Variants in IFT80 observed in about 807,000 individuals in gnomAD.
The protein encoded by IFT80 is intraflagellar transport 80, also known as intraflagellar transport protein 80 homolog.
IFT80 carries 79 observed loss-of-function variants against 107.9 expected under a neutral mutation model. The observed-to-expected ratio is 0.73, with a 90% CI of 0.61 to 0.88. IFT80 has a LOEUF of 0.88. Ranked by LOEUF, IFT80 falls within the 40% of genes least tolerant of loss-of-function variation. The probability of loss-of-function intolerance (pLI) is 0.00; values close to 1 mark genes in which losing one functional copy is unlikely to be tolerated. For synonymous variants in IFT80, 299 were observed against 300.9 expected, an observed-to-expected ratio of 0.99 and a Z score of 0.07; for missense variants, 797 against 914.2, an observed-to-expected ratio of 0.87 and a Z score of 1.65.
chr3:160,357,237 C>G (rs1326406136), intron 7 of IFT80, among the ~76,000 whole-genome samples: 1 of 152,070 alleles, frequency 6.6e-6, no homozygotes, highest in East Asian at 1.9e-4. Context: ...GTAGCTGGGA[C>G]CACAGATGTG....
At position 160,268,418 on chromosome 3, in the gene IFT80, C is replaced by G; in HGVS notation, c.2218G>C (p.Glu740Gln). ...CAAAATTGTGAAATACTTACACCTT[C>G]TGCATAATGCAAGTATCGTTTATTA... is the stretch of plus-strand genomic sequence containing the variant. ...ETNKRYLHYA[E>Q]GLQIDWEKIK... The change falls in exon 19 of 20, where the codon GAA (glutamate) becomes CAA (glutamine). Residue 740 changes from glutamate (E) to glutamine (Q), a missense_variant. Glu to Gln is a conservative substitution (Grantham distance 29). Transcript: ENST00000326448. 3 of 1,612,124 alleles carry G rather than the reference C, an allele frequency of 1.9e-6. No homozygotes were observed. The highest frequency in any genetic ancestry group is 1.7e-6 in the Non-Finnish European group (2 of 1,178,354).
chr3:160,339,966 C>T (rs1719773057), intron 8 of IFT80, among the ~76,000 whole-genome samples: 2 of 152,124 alleles, frequency 1.3e-5, no homozygotes, highest in Non-Finnish European at 2.9e-5. Flanking sequence ...TGGCATATCC[C>T]CAAATATCGA....
intron 3 of IFT80, among the ~76,000 whole-genome samples, chr3:160,380,871 TA>T (rs1712434480): frequency 1.3e-5 from 2 of 152,116 alleles, no homozygotes; most frequent in Admixed American, 6.6e-5. Context: ...GTGGTTATAT[TA>T]AGTTAAATTT....
chr3:160,272,843 C>A (rs932877906), intron 18 of IFT80, among the ~76,000 whole-genome samples: 1 of 152,124 alleles, frequency 6.6e-6, no homozygotes, highest in Non-Finnish European at 1.5e-5. Flanking sequence ...ATAGCTTAAC[C>A]ATTACCTTAT....
At chr3:160,343,802 TG>T in intron 8 of IFT80, 1 of 332,668 alleles carries the variant, frequency 3.0e-6, no homozygotes, top group East Asian at 1.1e-4. Context: ...GTCTTTCATC[TG>T]ATGGAATAAA....
At chr3:160,342,155 G>A (rs1356813468) in intron 8 of IFT80, among the ~76,000 whole-genome samples, 3 of 152,138 alleles carry the variant, frequency 2.0e-5, no homozygotes, top group Non-Finnish European at 4.4e-5. Flanking sequence ...TCATAGAATC[G>A]TGGAGTTGAA....
At position 160,347,978 on chromosome 3, in the gene IFT80, T is replaced by G. The variant is rs115540744; in HGVS notation, c.777+8035A>C. Among the ~76,000 whole-genome samples the G allele has an allele frequency of 7.8e-3, 1,184 of 152,260 alleles. 22 individuals carry two copies. The highest frequency in any genetic ancestry group is 0.027 in the African/African-American group (1,135 of 41,568). ...TGGATATGTATTATCAAAATACCCT[T>G]CAAAAAGTCAAATCACTCTATATTT... On this transcript the variant is annotated intron_variant, in intron 8 of 19. Transcript: ENST00000326448.
At chr3:160,340,394 C>A (rs150032999) in intron 8 of IFT80, among the ~76,000 whole-genome samples, 2 of 152,154 alleles carry the variant, frequency 1.3e-5, no homozygotes, top group African/African-American at 4.8e-5. Context: ...ATTTGATTAT[C>A]TTGCAGTTCT....
intron 1 of IFT80, among the ~76,000 whole-genome samples, chr3:160,392,577 T>C (rs1713469060): frequency 6.6e-6 from 1 of 152,240 alleles, no homozygotes; most frequent in Non-Finnish European, 1.5e-5. Flanking sequence ...TTTACTCTTC[T>C]CTCACATACC....
In IFT80 at chr3:160,303,829, T is replaced by C. The variant is rs1024017617; in HGVS notation, c.1151+86A>G. ...TTGGTTCTAAATGACTAGTATACCA[T>C]TCTTTTAATTGGATGTTTTTATTAA... On this transcript the variant is annotated intron_variant, in intron 11 of 19. Coordinates refer to ENST00000326448, the MANE Select transcript of IFT80 (RefSeq NM_020800.3). The C allele has an allele frequency of 6.0e-6, 5 of 837,434 alleles. No homozygotes were observed. In the Admixed American group the frequency reaches 8.9e-5, roughly 15 times the overall value. The allele number at this position is 837,434 out of a possible 1,614,324, so 51.9% of individuals were successfully genotyped here. A position where few individuals can be genotyped will look rare whatever the true frequency, so the allele number is the denominator to read the frequency against.
intron 1 of IFT80, among the ~76,000 whole-genome samples, chr3:160,397,737 T>TTTTTTTTTG (rs1350153504): frequency 1.3e-5 from 2 of 148,736 alleles, no homozygotes; most frequent in African/African-American, 5.1e-5. Flanking sequence ...TTTTTTTTTT[T>TTTTTTTTTG]TGAGACGCAG....
chr3:160,370,422 A>C (rs985637598), intron 5 of IFT80, among the ~76,000 whole-genome samples: 1 of 152,000 alleles, frequency 6.6e-6, no homozygotes, highest in African/African-American at 2.4e-5. Context: ...TTCAAACACG[A>C]AGAATGATTT....
intron 6 of IFT80, 47 bp downstream of exon 6, chr3:160,365,996 G>T (rs757977256): frequency 9.2e-6 from 13 of 1,413,348 alleles, no homozygotes; most frequent in Non-Finnish European, 1.3e-5. Context: ...CTCTAGTTTA[G>T]CAGTCAGGCA....
intron 11 of IFT80, 45 bp downstream of exon 11, chr3:160,303,870 T>A: frequency 8.2e-7 from 1 of 1,212,208 alleles, no homozygotes; most frequent in Non-Finnish European, 1.2e-6. Context: ...GCTTTAATGC[T>A]ATTTATTTTA....
At chr3:160,275,596 G>A (rs1410052303) in intron 18 of IFT80, among the ~76,000 whole-genome samples, 1 of 151,918 alleles carries the variant, frequency 6.6e-6, no homozygotes, top group Non-Finnish European at 1.5e-5. Flanking sequence ...CAACGAAATG[G>A]AATTCCTAAT....
At chr3:160,391,838 A>C (rs1045368315) in intron 1 of IFT80, among the ~76,000 whole-genome samples, 1 of 152,234 alleles carries the variant, frequency 6.6e-6, no homozygotes, top group Non-Finnish European at 1.5e-5. Context: ...TCAAAGTTTT[A>C]AGTGATAGAG....
At chr3:160,259,117 C>CA (rs1384941030) in intron 19 of IFT80, among the ~76,000 whole-genome samples, 1 of 151,712 alleles carries the variant, frequency 6.6e-6, no homozygotes, top group African/African-American at 2.4e-5. Flanking sequence ...TCAAAAAAAA[C>CA]AAAAACAAAT....
chr3:160,322,032 T>G (rs1718266710), intron 8 of IFT80, among the ~76,000 whole-genome samples: 1 of 150,166 alleles, frequency 6.7e-6, no homozygotes, highest in Admixed American at 6.7e-5. Context: ...ATTTATTTAT[T>G]TATTTATTTA....
chr3:160,336,834 A>G (rs1219903661), intron 8 of IFT80, among the ~76,000 whole-genome samples: 1 of 152,032 alleles, frequency 6.6e-6, no homozygotes, highest in Non-Finnish European at 1.5e-5. Flanking sequence ...GAAAGTTTCC[A>G]TTTTTAACCT....
Sources: allele counts gnomAD v4.1 joint callset (sites outside exome capture counted in the v4.1 genomes callset), GRCh38; gene constraint gnomAD v4.1.1; transcripts MANE v1.5; gene names NCBI Gene and HGNC (gene_info 2026-07-23, HGNC 2026-07-21).